The following ARRB1 variants were observed in gnomAD, a reference collection of about 807,000 sequenced individuals.
ARRB1 encodes beta-arrestin-1.
Under a neutral mutation model 56.8 loss-of-function variants are expected in ARRB1, and 21 were observed. The ratio of observed to expected loss-of-function variants is 0.37; its 90% CI spans 0.26 to 0.53. ARRB1 has a LOEUF of 0.53. ARRB1 is among the 20% of genes least tolerant of loss of function. The pLI, the probability that ARRB1 is intolerant of heterozygous loss-of-function variation, is 0.88. For synonymous variants in ARRB1, 210 were observed against 218.6 expected, an observed-to-expected ratio of 0.96 and a Z score of 0.35; for missense variants, 424 against 553.7, an observed-to-expected ratio of 0.77 and a Z score of 2.35.
Position 75,262,656 on chromosome 11 carries a change from C to T in ARRB1, c.*3507G>A, listed in dbSNP as rs909426845. 2.0e-5 allele frequency among the ~76,000 whole-genome samples: 3 copies of T among 152,160 alleles called. No homozygotes were observed. The highest frequency in any genetic ancestry group is 4.4e-5 in the Non-Finnish European group (3 of 68,032). ...CATCTGGGCCTCATAACAATTCCTG[C>T]GTCAGGCAGGGAAGGGATTACAATC... On this transcript the variant is annotated 3_prime_UTR_variant, in exon 16 of 16. Coordinates refer to ENST00000420843, the MANE Select transcript of ARRB1 (RefSeq NM_004041.5).
At chr11:75,309,368 C>T (rs1947108819) in intron 1 of ARRB1, among the ~76,000 whole-genome samples, 1 of 152,258 alleles carries the variant, frequency 6.6e-6, no homozygotes, top group South Asian at 2.1e-4. Context: ...GGAGCTCCTC[C>T]AGGGCAAGGC....
chr11:75,287,718 T>G (rs1004625595), intron 2 of ARRB1, among the ~76,000 whole-genome samples: 1 of 152,184 alleles, frequency 6.6e-6, no homozygotes, highest in African/African-American at 2.4e-5. Flanking sequence ...AGTGTGGGCA[T>G]CTCAGAGGGT....
chr11:75,325,078 G>A (rs1947409777), intron 1 of ARRB1, among the ~76,000 whole-genome samples: 1 of 152,172 alleles, frequency 6.6e-6, no homozygotes, highest in South Asian at 2.1e-4. Context: ...GGTTGTCAGG[G>A]TTGGAGAAAG....
chr11:75,349,572 G>A (rs769304740), intron 1 of ARRB1, among the ~76,000 whole-genome samples: 8 of 152,336 alleles, frequency 5.3e-5, no homozygotes, highest in Middle Eastern at 6.8e-3. Context: ...ACCCAAGAGA[G>A]GCTGAGTCAC....
chr11:75,269,339 CCT>C (rs940735611), intron 13 of ARRB1: 4 of 394,866 alleles, frequency 1.0e-5, no homozygotes, highest in African/African-American at 4.2e-5. Flanking sequence ...CCTCGCCTCC[CCT>C]GACACTGCCC....
intron 13 of ARRB1, among the ~76,000 whole-genome samples, chr11:75,269,787 C>T (rs894206497): frequency 1.3e-5 from 2 of 152,248 alleles, no homozygotes; most frequent in African/African-American, 4.8e-5. Context: ...CAAGGCCACA[C>T]AGCTATTAAT....
chr11:75,334,856 C>T (rs476364), intron 1 of ARRB1, among the ~76,000 whole-genome samples: 1 of 151,818 alleles, frequency 6.6e-6, no homozygotes, highest in East Asian at 1.9e-4. Context: ...CACCAACATC[C>T]TAGCCCAAAC....
intron 8 of ARRB1, among the ~76,000 whole-genome samples, chr11:75,278,019 G>A (rs1220197856): frequency 6.6e-6 from 1 of 152,210 alleles, no homozygotes; most frequent in Non-Finnish European, 1.5e-5. Context: ...AGGTGAGGAT[G>A]GGCTCACCAG....
At chr11:75,315,771 C>T (rs1368200050) in intron 1 of ARRB1, among the ~76,000 whole-genome samples, 1 of 152,124 alleles carries the variant, frequency 6.6e-6, no homozygotes, top group African/African-American at 2.4e-5. Context: ...AGACCATCCA[C>T]CAGGATAAAG....
chr11:75,308,551 C>T (rs528956108), intron 1 of ARRB1, among the ~76,000 whole-genome samples: 420 of 152,250 alleles, frequency 2.8e-3, no homozygotes, highest in Middle Eastern at 6.8e-3. Context: ...CAAGACCAGC[C>T]TGGCCAACAT....
intron 1 of ARRB1, among the ~76,000 whole-genome samples, chr11:75,300,253 G>T (rs1455372988): frequency 1.3e-5 from 2 of 151,326 alleles, no homozygotes. Flanking sequence ...AGCTTATCCA[G>T]GTTATCCAGG....
rs764392546 is a variant in ARRB1 at position 75,276,832 on chromosome 11, C to G, written c.776+7G>C. 3 of 1,613,842 alleles carry G rather than the reference C, an allele frequency of 1.9e-6. No individual in the cohort carries two copies. In the East Asian group the frequency reaches 6.7e-5, roughly 36 times the overall value. Reference sequence around the variant, plus strand: ...ATACGCCCAAGGCCAGACTTGTGCCCACTTACTCAGCCTCTTCCATGGCAA... The same window carrying G: ...ATACGCCCAAGGCCAGACTTGTGCCGACTTACTCAGCCTCTTCCATGGCAA... On this transcript the variant is annotated splice_region_variant and intron_variant, in intron 10 of 15. Transcript: ENST00000420843.
In ARRB1 at chr11:75,272,981, G is replaced by C. The variant is rs777097100; in HGVS notation, c.915-3C>G. 6.2e-7 allele frequency: 1 copy of C among 1,613,772 alleles called. No individual in the cohort carries two copies. Among genetic ancestry groups the C allele is most frequent in the Non-Finnish European group, 8.5e-7 (1 of 1,179,778 alleles). ...CACGGTTGGCACCTTCCCTCAACCT[G>C]CAAAGTGACACAGGGGAGCCAGTTC... On this transcript the variant is annotated splice_polypyrimidine_tract_variant and splice_region_variant and intron_variant, in intron 11 of 15. Coordinates refer to ENST00000420843, the MANE Select transcript of ARRB1 (RefSeq NM_004041.5).
chr11:75,289,350 C>T (rs1311154095), intron 2 of ARRB1, among the ~76,000 whole-genome samples: 4 of 152,196 alleles, frequency 2.6e-5, no homozygotes, highest in East Asian at 1.9e-4. Flanking sequence ...TAGAAGCTGC[C>T]GCTGCCCACC....
chr11:75,314,057 C>T (rs1947220129), intron 1 of ARRB1, among the ~76,000 whole-genome samples: 1 of 152,214 alleles, frequency 6.6e-6, no homozygotes, highest in South Asian at 2.1e-4. Context: ...ATGCTCCCTG[C>T]CCCCACACAC....
At position 75,266,230 on chromosome 11, in the gene ARRB1, T is replaced by C; in HGVS notation, c.1190A>G (p.Lys397Arg). The stretch of plus-strand genomic sequence containing the variant: ...TTCCTCCTTGTCATCCTTCATGCCT[T>C]TCAGTCTCTGGCGAGCAAAGTCCTC... Reference protein sequence around the residue: ...VFEDFARQRLKGMKDDKEEEE... With the variant: ...VFEDFARQRLRGMKDDKEEEE... Residue 397 changes from lysine (K) to arginine (R), a missense_variant, in exon 16 of 16, where the codon AAA becomes AGA. Physicochemically the swap from Lys to Arg is conservative, Grantham distance 26. This residue lies in a region of ARRB1 where 121 missense variants were observed against 147.3 expected (regional missense o/e 0.82). Transcript: ENST00000420843. 6.2e-7 allele frequency: 1 copy of C among 1,614,196 alleles called. No individual in the cohort carries two copies. The highest frequency in any genetic ancestry group is 1.1e-5 in the South Asian group (1 of 91,080).
chr11:75,331,007 A>G (rs1947511504), intron 1 of ARRB1, among the ~76,000 whole-genome samples: 1 of 152,216 alleles, frequency 6.6e-6, no homozygotes, highest in East Asian at 1.9e-4. Context: ...GGCATATTTC[A>G]GATGTTGAGG....
chr11:75,266,922 G>C (rs1254396564), intron 15 of ARRB1, among the ~76,000 whole-genome samples: 1 of 152,200 alleles, frequency 6.6e-6, no homozygotes, highest in Non-Finnish European at 1.5e-5. Flanking sequence ...GGAGGCTTGA[G>C]TGGGGTTTCA....
At chr11:75,317,064 G>T (rs1311124975) in intron 1 of ARRB1, among the ~76,000 whole-genome samples, 1 of 152,114 alleles carries the variant, frequency 6.6e-6, no homozygotes, top group Admixed American at 6.5e-5. Flanking sequence ...GCGAGACTCC[G>T]TCTCAAAATA....
Sources: gnomAD v4.1 joint callset for allele counts (sites outside exome capture counted in the v4.1 genomes callset) on GRCh38, gnomAD v4.1.1 for gene constraint, gnomAD v4.1.1 regional missense constraint, MANE v1.5 for transcripts, NCBI Gene and HGNC (gene_info 2026-07-23, HGNC 2026-07-21) for gene names.